The following NFATC1 variants were observed in gnomAD, a reference collection of about 807,000 sequenced individuals.
NFATC1 encodes the protein nuclear factor of activated T-cells, cytoplasmic 1.
NFATC1 carries 22 observed loss-of-function variants against 76.0 expected under a neutral mutation model. That is an observed-to-expected ratio of 0.29 (90% CI 0.21 to 0.41). The LOEUF (loss-of-function observed/expected upper bound fraction) is 0.41. Ranked by LOEUF, NFATC1 falls within the 10% of genes least tolerant of loss-of-function variation. The pLI is 1.00. For synonymous variants in NFATC1, 704 were observed against 613.1 expected, an observed-to-expected ratio of 1.15 and a Z score of -2.19; for missense variants, 1,357 against 1,337.7, an observed-to-expected ratio of 1.01 and a Z score of -0.23.
intron 2 of NFATC1, among the ~76,000 whole-genome samples, chr18:79,426,945 G>T (rs2086358616): frequency 6.6e-6 from 1 of 152,246 alleles, no homozygotes; most frequent in Middle Eastern, 3.2e-3. Context: ...CTCTGCAGGA[G>T]CTCAGGATAA....
chr18:79,483,213 A>C lies in NFATC1; in HGVS notation c.2093-3035A>C, dbSNP rs1225298887. Among the ~76,000 whole-genome samples, 50 of 96,786 alleles carry C rather than the reference A, an allele frequency of 5.2e-4. 1 individual carries two copies. The highest frequency in any genetic ancestry group is 1.3e-3 in the African/African-American group (33 of 24,902). 63.5% of individuals were successfully genotyped at this position (96,786 alleles called of 152,430 possible). A position where few individuals can be genotyped will look rare whatever the true frequency, so the allele number is the denominator to read the frequency against. Reference sequence around the variant, plus strand: ...CAGCGTGACCTGGTTCCTGGGGTGTAATTCCAGCGTGACCTGGTCCTGGGG... The same window carrying C: ...CAGCGTGACCTGGTTCCTGGGGTGTCATTCCAGCGTGACCTGGTCCTGGGG... On this transcript the variant is annotated intron_variant, in intron 8 of 9. Transcript: ENST00000427363.
At chr18:79,401,889 G>A (rs1009179328) in intron 1 of NFATC1, among the ~76,000 whole-genome samples, 1 of 152,232 alleles carries the variant, frequency 6.6e-6, no homozygotes, top group Non-Finnish European at 1.5e-5. Flanking sequence ...ACCCCAGTCA[G>A]AGGCCCAGGG....
intron 2 of NFATC1, among the ~76,000 whole-genome samples, chr18:79,427,433 GGGGA>G (rs1393030674): frequency 3.2e-5 from 4 of 126,760 alleles, no homozygotes; most frequent in South Asian, 2.6e-4. Flanking sequence ...GGTGGGTGGG[GGGGA>G]GCTGGACGGC....
chr18:79,400,430 C>G (rs1389803105), intron 1 of NFATC1: 1 of 1,495,662 alleles, frequency 6.7e-7, no homozygotes, highest in African/African-American at 1.5e-5. Context: ...ACTTCGAGTT[C>G]CTCTTCGAGT....
chr18:79,470,038 C>T (rs1051000965), intron 8 of NFATC1: 7 of 982,308 alleles, frequency 7.1e-6, no homozygotes, highest in Non-Finnish European at 7.3e-6. Flanking sequence ...TGTTCCGTCC[C>T]GCGTGCCCGC....
intron 6 of NFATC1, 43 bp downstream of exon 6, chr18:79,451,859 G>T (rs373595199): frequency 5.1e-5 from 80 of 1,571,366 alleles, no homozygotes; most frequent in South Asian, 4.3e-4. Context: ...GGGCTTCGGC[G>T]CTGGTGGGAA....
At chr18:79,405,673 C>A (rs1015836841) in intron 1 of NFATC1, among the ~76,000 whole-genome samples, 1 of 152,178 alleles carries the variant, frequency 6.6e-6, no homozygotes, top group Non-Finnish European at 1.5e-5. Context: ...AGGACCTGGG[C>A]GAGGGATCCT....
chr18:79,483,812 C>T (rs1399068698), intron 8 of NFATC1, among the ~76,000 whole-genome samples: 9 of 137,234 alleles, frequency 6.6e-5, no homozygotes, highest in Non-Finnish European at 9.2e-5. Flanking sequence ...GTCACTCCAG[C>T]GTGACCTGGT....
intron 9 of NFATC1, among the ~76,000 whole-genome samples, chr18:79,504,103 G>C (rs2145146945): frequency 6.6e-6 from 1 of 152,170 alleles, no homozygotes; most frequent in East Asian, 1.9e-4. Flanking sequence ...CAATAAGGCT[G>C]TTCCGCCCTC....
At chr18:79,411,583 G>C (rs1008858301) in intron 2 of NFATC1, 82 bp downstream of exon 2, 3 of 1,064,568 alleles carry the variant, frequency 2.8e-6, no homozygotes, top group Non-Finnish European at 3.5e-6. Context: ...GACGGGGGGC[G>C]GCGCGGGGCG....
chr18:79,411,652 G>A, intron 2 of NFATC1, 151 bp downstream of exon 2: 1 of 511,638 alleles, frequency 2.0e-6, no homozygotes. Context: ...TCGTGGAGCT[G>A]GGAGGCAGAG....
At position 79,524,436 on chromosome 18, in the gene NFATC1, C is replaced by G. The variant is rs2090696218; in HGVS notation, c.2783-3092C>G. 6.6e-6 allele frequency among the ~76,000 whole-genome samples: 1 copy of G among 152,206 alleles called. No homozygotes were observed. The highest frequency in any genetic ancestry group is 2.4e-5 in the African/African-American group (1 of 41,452). The stretch of plus-strand genomic sequence containing the variant: ...TGGTGTCAGGGTTGTCCATCCCGCT[C>G]TCTGTCAGCTGCTGCCATGGGGCAG... On this transcript the variant is annotated intron_variant, in intron 9 of 9. Coordinates refer to ENST00000427363, the MANE Select transcript of NFATC1 (RefSeq NM_001278669.2). This position sits in a 1 kb window ranked among gnomAD's most constrained non-coding sequence, Gnocchi z 7.2.
At chr18:79,492,926 T>A (rs1019256227) in intron 9 of NFATC1, among the ~76,000 whole-genome samples, 1 of 124,204 alleles carries the variant, frequency 8.1e-6, no homozygotes, top group African/African-American at 3.4e-5. Flanking sequence ...TTTTTTTTTT[T>A]AGGATTTCTT....
chr18:79,469,522 C>T (rs140423652), intron 8 of NFATC1: 12 of 985,548 alleles, frequency 1.2e-5, no homozygotes, highest in African/African-American at 8.7e-5. Context: ...ACCTGGCAGC[C>T]GGCCGTCCTG....
At chr18:79,416,574 G>A (rs187101553) in intron 2 of NFATC1, among the ~76,000 whole-genome samples, 19 of 152,378 alleles carry the variant, frequency 1.2e-4, no homozygotes, top group Admixed American at 9.1e-4. Flanking sequence ...GGTGGTAGCC[G>A]TGGGGTCTTC....
chr18:79,507,449 C>T (rs1027573311), intron 9 of NFATC1, among the ~76,000 whole-genome samples: 1 of 152,252 alleles, frequency 6.6e-6, no homozygotes, highest in Non-Finnish European at 1.5e-5. Flanking sequence ...TGACGGTGTG[C>T]AGCGCTGGCT....
At chr18:79,444,117 G>A (rs2087094945) in intron 3 of NFATC1, among the ~76,000 whole-genome samples, 1 of 152,202 alleles carries the variant, frequency 6.6e-6, no homozygotes, top group Admixed American at 6.5e-5. Context: ...AACCTGAAAT[G>A]AGAAAAAAAC....
chr18:79,492,640 C>T (rs1300957391), intron 9 of NFATC1, among the ~76,000 whole-genome samples: 7 of 150,574 alleles, frequency 4.6e-5, no homozygotes, highest in East Asian at 2.0e-4. Context: ...ACCTGGGAGG[C>T]GGAGCTTGCA....
chr18:79,401,281 G>A (rs2085243314), intron 1 of NFATC1, among the ~76,000 whole-genome samples: 1 of 152,032 alleles, frequency 6.6e-6, no homozygotes, highest in South Asian at 2.1e-4. Flanking sequence ...GGTGAAGCCG[G>A]AGGAGCTTGG....
Sources: gnomAD v4.1 joint callset for allele counts (sites outside exome capture counted in the v4.1 genomes callset) on GRCh38, gnomAD v4.1.1 for gene constraint, Gnocchi (gnomAD v3.1) non-coding constraint, MANE v1.5 for transcripts, NCBI Gene and HGNC (gene_info 2026-07-23, HGNC 2026-07-21) for gene names.